The following MCC variants were observed in gnomAD, a reference collection of about 807,000 sequenced individuals.
MCC encodes the protein colorectal mutant cancer protein.
MCC carries 90 observed loss-of-function variants against 116.2 expected under a neutral mutation model. The ratio of observed to expected loss-of-function variants is 0.77; its 90% CI spans 0.65 to 0.92. The LOEUF (loss-of-function observed/expected upper bound fraction) is 0.92, where lower values mean the gene tolerates loss of function less well. Among genes scored for constraint, MCC ranks in the 40% least tolerant of loss-of-function variants. The pLI, the probability that MCC is intolerant of heterozygous loss-of-function variation, is 0.00. For synonymous variants in MCC, 578 were observed against 510.5 expected (o/e 1.13, Z -1.78); for missense variants, 1,516 against 1,312.2 (o/e 1.16, Z -2.40).
At chr5:113,183,516 C>CA (rs79477700) in intron 3 of MCC, among the ~76,000 whole-genome samples, 14,405 of 152,094 alleles carry the variant, frequency 0.095, 1,184 homozygotes, top group African/African-American at 0.22. Flanking sequence ...CTCCCTCCCC[C>CA]AAACATCCCC....
Position 113,024,431 on chromosome 5 carries a change from T to C in MCC, c.*2871A>G, listed in dbSNP as rs1217626777. 1 of 152,210 alleles carries C rather than the reference T, an allele frequency of 6.6e-6. No individual in the cohort carries two copies. The highest frequency in any genetic ancestry group is 6.5e-5 in the Admixed American group (1 of 15,284). The allele number at this position is 152,210 out of a possible 1,614,324, so 9.4% of individuals were successfully genotyped here. ...TTGCTTGTGATTTGCACAGTTGGTT[T>C]TGTTTGCCTCAGTCCAACAATGGGA... is the stretch of plus-strand genomic sequence containing the variant. On this transcript the variant is annotated 3_prime_UTR_variant, in exon 19 of 19. Transcript: ENST00000408903.
intron 1 of MCC, among the ~76,000 whole-genome samples, chr5:113,415,099 C>T (rs953987095): frequency 3.8e-4 from 58 of 152,334 alleles, no homozygotes; most frequent in African/African-American, 1.3e-3. Flanking sequence ...TTGGCCCCCA[C>T]TCTCTTCTGG....
At position 113,134,476 on chromosome 5, in the gene MCC, T is replaced by G. The variant is rs937580345; in HGVS notation, c.884+8742A>C. ...TATGCTGTTTTGGTTGCCACAGCTT[T>G]GTAGCATAATTTGAACTCAAGTAGT... On this transcript the variant is annotated intron_variant, in intron 5 of 18. Coordinates refer to ENST00000408903, the MANE Select transcript of MCC (RefSeq NM_001085377.2). Among the ~76,000 whole-genome samples the G allele has an allele frequency of 2.0e-5, 3 of 152,154 alleles. No homozygotes were observed. The East Asian group carries it at 5.8e-4, about 29-fold the overall frequency.
intron 1 of MCC, among the ~76,000 whole-genome samples, chr5:113,394,484 C>G (rs1329485153): frequency 1.3e-5 from 2 of 152,156 alleles, no homozygotes; most frequent in African/African-American, 4.8e-5. Context: ...CTGGGCCTAC[C>G]TCTCTAGTCT....
rs193221373 is a variant in MCC, at chr5:113,157,915, C to T, written c.628-6493G>A. ...TGCCAGCACTGCTACTCTTATGCTT[C>T]GGGCCATTATGATGTAAAATAAGGA... is the stretch of plus-strand genomic sequence containing the variant. On this transcript the variant is annotated intron_variant, in intron 3 of 18. Transcript: ENST00000408903. Among the ~76,000 whole-genome samples, 390 of 152,296 alleles carry T rather than the reference C, an allele frequency of 2.6e-3. 6 individuals are homozygous for T. The highest frequency in any genetic ancestry group is 3.6e-3 in the Non-Finnish European group (246 of 68,024).
At chr5:113,287,395 C>G (rs1308108614) in intron 3 of MCC, among the ~76,000 whole-genome samples, 1 of 152,214 alleles carries the variant, frequency 6.6e-6, no homozygotes, top group Non-Finnish European at 1.5e-5. Context: ...GTGGTGCGAT[C>G]TTGGCTCACT....
At chr5:113,260,325 C>T (rs1036570892) in intron 3 of MCC, among the ~76,000 whole-genome samples, 5 of 152,076 alleles carry the variant, frequency 3.3e-5, no homozygotes, top group Non-Finnish European at 4.4e-5. Context: ...AGAAAATTTA[C>T]TAAGAATGGT....
intron 2 of MCC, among the ~76,000 whole-genome samples, chr5:113,360,234 A>G (rs112851060): frequency 3.9e-5 from 6 of 152,204 alleles, no homozygotes; most frequent in South Asian, 2.1e-4. Context: ...CTTCACAAAA[A>G]ACAAAATATT....
intron 3 of MCC, among the ~76,000 whole-genome samples, chr5:113,175,885 A>C (rs2150306154): frequency 6.6e-6 from 1 of 151,960 alleles, no homozygotes; most frequent in East Asian, 1.9e-4. Flanking sequence ...ATCAGCATAG[A>C]TCTAGATTAA....
rs749297746 is a variant in MCC at position 113,053,955 on chromosome 5, T to G, written c.2218A>C (p.Thr740Pro). 1.2e-6 allele frequency: 2 copies of G among 1,609,202 alleles called. No homozygotes were observed. Among genetic ancestry groups the G allele is most frequent in the Non-Finnish European group, 1.7e-6 (2 of 1,175,964 alleles). Reference protein sequence around the residue: ...SLSSNSHTSTTSSTASSCDTE... With the variant: ...SLSSNSHTSTPSSTASSCDTE... ...TCGCAACTACTGGCTGTGGAGCTGG[T>G]TGTGCTGAGAAAGAAGAAAAACAAA... The change falls in exon 15 of 19, where the codon ACC becomes CCC. Residue 740 changes from threonine to proline, a missense_variant. By Grantham distance (38) the Thr-to-Pro change is conservative. Transcript: ENST00000408903.
intron 3 of MCC, among the ~76,000 whole-genome samples, chr5:113,260,573 T>C (rs1411114598): frequency 6.6e-6 from 1 of 152,172 alleles, no homozygotes; most frequent in Non-Finnish European, 1.5e-5. Context: ...TGGTGCTTTT[T>C]AGTAGTTAAT....
At chr5:113,068,279 T>C (rs1753766699) in intron 12 of MCC, 96 bp from the exon 13 acceptor site, 1 of 868,026 alleles carries the variant, frequency 1.2e-6, no homozygotes, top group Non-Finnish European at 1.9e-6. Context: ...TCAGGTGCTG[T>C]CTCGGCCTCA....
intron 11 of MCC, among the ~76,000 whole-genome samples, chr5:113,081,450 A>C (rs758334454): frequency 1.3e-5 from 2 of 152,172 alleles, no homozygotes; most frequent in Non-Finnish European, 2.9e-5. Flanking sequence ...CTACCAGCAA[A>C]ATATTTCCCC....
At chr5:113,049,046 GGGCAGTCAC>G (rs1370940403) in intron 16 of MCC, 38 bp downstream of exon 16, 1 of 1,576,772 alleles carries the variant, frequency 6.3e-7, no homozygotes, top group Non-Finnish European at 8.7e-7. Flanking sequence ...GGCAGTCACT[GGGCAGTCAC>G]TGAGCCTAAG....
intron 3 of MCC, among the ~76,000 whole-genome samples, chr5:113,282,433 C>T (rs1766083695): frequency 6.6e-6 from 1 of 152,130 alleles, no homozygotes. Flanking sequence ...AGTTCAGATG[C>T]CCAAAATGAG....
At chr5:113,074,451 A>G (rs1414760843) in intron 11 of MCC, among the ~76,000 whole-genome samples, 2 of 152,264 alleles carry the variant, frequency 1.3e-5, no homozygotes, top group Non-Finnish European at 2.9e-5. Context: ...GAAAAGCTGA[A>G]AATTCTAAAA....
At chr5:113,472,281 G>C (rs1772116292) in intron 1 of MCC, among the ~76,000 whole-genome samples, 1 of 152,212 alleles carries the variant, frequency 6.6e-6, no homozygotes, top group South Asian at 2.1e-4. Flanking sequence ...GACCGGAGCT[G>C]TTCCTATTCG....
At chr5:113,457,528 G>A (rs1056410410) in intron 1 of MCC, among the ~76,000 whole-genome samples, 2 of 152,250 alleles carry the variant, frequency 1.3e-5, no homozygotes, top group Admixed American at 6.5e-5. Context: ...TGAGGAGTGC[G>A]AGCGCATGGC....
chr5:113,172,150 C>T (rs1045979264), intron 3 of MCC, among the ~76,000 whole-genome samples: 6 of 152,182 alleles, frequency 3.9e-5, no homozygotes, highest in African/African-American at 1.4e-4. Flanking sequence ...CCAATAGACA[C>T]AGTTCAGCTC....
Sources: allele counts gnomAD v4.1 joint callset (sites outside exome capture counted in the v4.1 genomes callset), GRCh38; gene constraint gnomAD v4.1.1; transcripts MANE v1.5; gene names NCBI Gene and HGNC (gene_info 2026-07-23, HGNC 2026-07-21).